The following NBN variants were observed in gnomAD, a reference collection of about 807,000 sequenced individuals.
The protein encoded by NBN is nibrin, also known as Nijmegen breakage syndrome 1 (nibrin).
NBN carries 88 observed loss-of-function variants against 90.8 expected under a neutral mutation model. That is an observed-to-expected ratio of 0.97 (90% CI 0.82 to 1.16). The LOEUF is 1.16. Among genes scored for constraint, NBN ranks in the 50% most tolerant of loss-of-function variants. The pLI, the probability that NBN is intolerant of heterozygous loss-of-function variation, is 0.00. For synonymous variants in NBN, 328 were observed against 295.1 expected, an observed-to-expected ratio of 1.11 and a Z score of -1.14; for missense variants, 894 against 869.6, an observed-to-expected ratio of 1.03 and a Z score of -0.35.
chr8:89,968,186 G>A (rs1360815589), intron 7 of NBN, among the ~76,000 whole-genome samples: 1 of 152,060 alleles, frequency 6.6e-6, no homozygotes, highest in East Asian at 1.9e-4. Context: ...TTGAGCCTGG[G>A]AAGTGGAGGC....
At position 89,970,478 on chromosome 8, in the gene NBN, T is replaced by C. The variant is rs1811461476; in HGVS notation, c.782A>G (p.Asn261Ser). ...ACACGTTCCCGGAGCCAAAAAGAAA[T>C]TATGTTCTTCTTCATTCTCTTCTGT... Reference protein sequence around the residue: ...LITEENEEEHNFFLAPGTCVV... With the variant: ...LITEENEEEHSFFLAPGTCVV... The change falls in exon 7 of 16, where the codon AAT (asparagine) becomes AGT (serine). Residue 261 changes from asparagine to serine, a missense_variant. Physicochemically the swap from Asn to Ser is conservative, Grantham distance 46. Transcript: ENST00000265433. 6.2e-7 allele frequency: 1 copy of C among 1,613,838 alleles called. No homozygotes were observed. Among genetic ancestry groups the C allele is most frequent in the Non-Finnish European group, 8.5e-7 (1 of 1,179,790 alleles).
At position 89,984,345 on chromosome 8, in the gene NBN, C is replaced by T. The variant is rs944901606; in HGVS notation, c.37+180G>A. On this transcript the variant is annotated intron_variant, in intron 1 of 15. Transcript: ENST00000265433. ...ACCGCCCGCGCTGAATTCCAGCTCA[C>T]AGCCGCCGTGCTGCCCGGGAAGAAT... is the stretch of plus-strand genomic sequence containing the variant. The T allele has an allele frequency of 6.7e-5, 45 of 672,206 alleles. 1 individual carries two copies. Among genetic ancestry groups the T allele is most frequent in the Non-Finnish European group, 2.9e-5 (11 of 376,990 alleles). 41.6% of individuals were successfully genotyped at this position (672,206 alleles called of 1,614,324 possible).
At chr8:89,961,757 T>C (rs1811001673) in intron 8 of NBN, among the ~76,000 whole-genome samples, 1 of 152,148 alleles carries the variant, frequency 6.6e-6, no homozygotes, top group South Asian at 2.1e-4. Context: ...ATTTATTCTG[T>C]GGATAATAAG....
chr8:89,959,393 T>G (rs1178875756), intron 8 of NBN, among the ~76,000 whole-genome samples: 1 of 152,206 alleles, frequency 6.6e-6, no homozygotes, highest in Non-Finnish European at 1.5e-5. Context: ...AATACTTTTT[T>G]TGAATCTCCC....
chr8:89,968,958 CAATT>C (rs1169772218), intron 7 of NBN, among the ~76,000 whole-genome samples: 12 of 152,172 alleles, frequency 7.9e-5, no homozygotes, highest in Admixed American at 3.3e-4. Flanking sequence ...TAATATATCT[CAATT>C]AAGTAAAATA....
At chr8:89,972,464 C>A (rs1182726273) in intron 5 of NBN, among the ~76,000 whole-genome samples, 1 of 152,184 alleles carries the variant, frequency 6.6e-6, no homozygotes, top group Non-Finnish European at 1.5e-5. Flanking sequence ...TTTTTCTAAA[C>A]AACCGACTTT....
At position 89,980,902 on chromosome 8, in the gene NBN, G is replaced by C. The variant is rs760664393; in HGVS notation, c.321-9C>G. 2 of 1,610,622 alleles carry C rather than the reference G, an allele frequency of 1.2e-6. No homozygotes were observed. The highest frequency in any genetic ancestry group is 2.2e-5 in the East Asian group (1 of 44,762). Reference sequence around the variant, plus strand: ...AAGGCTCATACTCTATTCTGTAAATGAGAATAAGTTAAATAAAGTCATAGT... The same window carrying C: ...AAGGCTCATACTCTATTCTGTAAATCAGAATAAGTTAAATAAAGTCATAGT... On this transcript the variant is annotated splice_polypyrimidine_tract_variant and intron_variant, in intron 3 of 15. Coordinates refer to ENST00000265433, the MANE Select transcript of NBN (RefSeq NM_002485.5).
chr8:89,956,946 A>C (rs1017827063), intron 9 of NBN, among the ~76,000 whole-genome samples: 1 of 152,218 alleles, frequency 6.6e-6, no homozygotes, highest in East Asian at 1.9e-4. Context: ...ATGTTGATGT[A>C]AACAAACCTA....
chr8:89,949,049 T>C (rs1810327269), intron 11 of NBN, among the ~76,000 whole-genome samples: 1 of 152,236 alleles, frequency 6.6e-6, no homozygotes, highest in South Asian at 2.1e-4. Flanking sequence ...TTGGGGATTC[T>C]ACCTCAATGC....
intron 5 of NBN, among the ~76,000 whole-genome samples, chr8:89,977,467 T>C (rs1159786272): frequency 6.6e-6 from 1 of 152,206 alleles, no homozygotes; most frequent in Non-Finnish European, 1.5e-5. Flanking sequence ...ATATACCCAG[T>C]CTATCATTGA....
intron 12 of NBN, 132 bp from the exon 13 acceptor site, chr8:89,946,427 T>C (rs1810197026): frequency 1.3e-6 from 1 of 783,266 alleles, no homozygotes; most frequent in Non-Finnish European, 2.1e-6. Context: ...TTCTTGTACC[T>C]GAACTTTGTA....
At position 89,935,444 on chromosome 8, in the gene NBN, C is replaced by T; in HGVS notation, c.*138G>A. 1.0e-6 allele frequency: 1 copy of T among 969,620 alleles called. No homozygotes were observed. The highest frequency in any genetic ancestry group is 1.6e-6 in the Non-Finnish European group (1 of 640,620). 60.1% of individuals were successfully genotyped at this position (969,620 alleles called of 1,614,324 possible). A position where few individuals can be genotyped will look rare whatever the true frequency, so the allele number is the denominator to read the frequency against. ...CATACAAAAGAATCAAAGTTTTGTGCATTTTATTTAATAAATTTAGGCCAT... is the reference window on the plus strand; with the variant it reads ...CATACAAAAGAATCAAAGTTTTGTGTATTTTATTTAATAAATTTAGGCCAT... On this transcript the variant is annotated 3_prime_UTR_variant, in exon 16 of 16. Coordinates refer to ENST00000265433, the MANE Select transcript of NBN (RefSeq NM_002485.5).
intron 15 of NBN, 109 bp downstream of exon 15, chr8:89,936,917 G>C: frequency 1.2e-6 from 1 of 804,474 alleles, no homozygotes; most frequent in East Asian, 2.6e-5. Context: ...TAGGTGAAGG[G>C]ACTAGGTGTC....
chr8:89,963,625 T>C (rs1184747302), intron 8 of NBN, among the ~76,000 whole-genome samples: 1 of 152,184 alleles, frequency 6.6e-6, no homozygotes, highest in Non-Finnish European at 1.5e-5. Flanking sequence ...AGTGACTGTC[T>C]CTGAATACAT....
chr8:89,954,134 T>C (rs1810586915), intron 10 of NBN, among the ~76,000 whole-genome samples: 1 of 152,100 alleles, frequency 6.6e-6, no homozygotes, highest in Non-Finnish European at 1.5e-5. Flanking sequence ...AAATCTACAA[T>C]ACGGTACTGA....
At chr8:89,982,693 A>G in intron 2 of NBN, 29 bp downstream of exon 2, 1 of 1,592,374 alleles carries the variant, frequency 6.3e-7, no homozygotes, top group Non-Finnish European at 8.6e-7. Context: ...CCCTTACTGG[A>G]AACTAGTGAA....
intron 10 of NBN, 69 bp downstream of exon 10, chr8:89,955,214 C>T: frequency 7.0e-7 from 1 of 1,430,294 alleles, no homozygotes; most frequent in South Asian, 1.2e-5. Context: ...AAGACAATAC[C>T]ATTCTACAAC....
At chr8:89,950,351 T>G (rs1810391193) in intron 11 of NBN, among the ~76,000 whole-genome samples, 1 of 152,210 alleles carries the variant, frequency 6.6e-6, no homozygotes, top group Admixed American at 6.5e-5. Context: ...TCTAGAATAC[T>G]TACAATACCT....
At chr8:89,945,417 T>C (rs1400234137) in intron 13 of NBN, among the ~76,000 whole-genome samples, 1 of 152,124 alleles carries the variant, frequency 6.6e-6, no homozygotes, top group Admixed American at 6.5e-5. Flanking sequence ...GAAATGTTAA[T>C]AGTAAATGCT....
Sources: allele counts gnomAD v4.1 joint callset (sites outside exome capture counted in the v4.1 genomes callset), GRCh38; gene constraint gnomAD v4.1.1; transcripts MANE v1.5; gene names NCBI Gene and HGNC (gene_info 2026-07-23, HGNC 2026-07-21).